The following LRRC37A3 variants were observed in gnomAD, a reference collection of about 807,000 sequenced individuals.
LRRC37A3 encodes the protein leucine rich repeat containing 37 member A3, also known as leucine-rich repeat-containing protein 37A3.
A neutral mutation model predicts 106.2 loss-of-function variants in LRRC37A3; 25 were observed. That is an observed-to-expected ratio of 0.24 (90% CI 0.17 to 0.33). LRRC37A3 has a LOEUF of 0.33. Ranked by LOEUF, LRRC37A3 falls within the 10% of genes least tolerant of loss-of-function variation. The pLI, the probability that LRRC37A3 is intolerant of heterozygous loss-of-function variation, is 1.00. For missense variants in LRRC37A3, 712 were observed against 1,644.9 expected (o/e 0.43, Z 9.81); for synonymous variants, 305 against 635.8 (o/e 0.48, Z 7.83).
At chr17:64,858,592 G>A (rs1158084663) in intron 13 of LRRC37A3, among the ~76,000 whole-genome samples, 187 bp downstream of exon 13, 1 of 152,164 alleles carries the variant, frequency 6.6e-6, no homozygotes, top group Admixed American at 6.5e-5. Context: ...CTGGAAGCGA[G>A]GATCCTTTAA....
At chr17:64,909,477 A>G (rs1325526760) in intron 2 of LRRC37A3, 2 of 152,248 alleles carry the variant, frequency 1.3e-5, no homozygotes, top group African/African-American at 4.8e-5. Flanking sequence ...AGGTGCCACA[A>G]AAATCATCTG....
chr17:64,856,655 A>G (rs1193959828), intron 13 of LRRC37A3, among the ~76,000 whole-genome samples: 8 of 148,920 alleles, frequency 5.4e-5, no homozygotes, highest in African/African-American at 2.0e-4. Context: ...GACTGTATCT[A>G]ACTTAGGGTC....
chr17:64,875,447 T>C (rs928629928), intron 8 of LRRC37A3, among the ~76,000 whole-genome samples: 4 of 152,238 alleles, frequency 2.6e-5, no homozygotes, highest in Admixed American at 6.5e-5. Context: ...ACTTTGTTGC[T>C]AGAAGACCTG....
At chr17:64,874,600 C>T (rs894913819) in intron 8 of LRRC37A3, among the ~76,000 whole-genome samples, 6 of 152,214 alleles carry the variant, frequency 3.9e-5, no homozygotes, top group Admixed American at 3.9e-4. Flanking sequence ...GGAGGTGTAC[C>T]CAACAGCTCA....
intron 11 of LRRC37A3, 84 bp from the exon 12 acceptor site, chr17:64,861,057 C>T: frequency 6.2e-7 from 1 of 1,604,134 alleles, no homozygotes; most frequent in Non-Finnish European, 8.5e-7. Context: ...TCCAGTCACA[C>T]AGAGTAGGAG....
chr17:64,916,415 T>TAAATA (rs1421593771), intron 2 of LRRC37A3, among the ~76,000 whole-genome samples: 2 of 151,530 alleles, frequency 1.3e-5, no homozygotes, highest in East Asian at 2.0e-4. Context: ...AATAAATAAA[T>TAAATA]AAATAAAATA....
chr17:64,919,177 G>T (rs1434905426), intron 1 of LRRC37A3, among the ~76,000 whole-genome samples: 5 of 151,722 alleles, frequency 3.3e-5, no homozygotes, highest in African/African-American at 1.2e-4. Flanking sequence ...GTGGGCGGCG[G>T]CGGCGGCGGC....
At chr17:64,884,369 T>A (rs925964966) in intron 8 of LRRC37A3, among the ~76,000 whole-genome samples, 2 of 151,172 alleles carry the variant, frequency 1.3e-5, no homozygotes, top group Non-Finnish European at 2.9e-5. Context: ...TATTATTATA[T>A]TATTATTATT....
At chr17:64,863,973 T>A (rs1288310124) in intron 10 of LRRC37A3, among the ~76,000 whole-genome samples, 5 of 142,230 alleles carry the variant, frequency 3.5e-5, no homozygotes, top group African/African-American at 1.3e-4. Flanking sequence ...CCCAGCTAAT[T>A]TTTTTTTTTT....
intron 2 of LRRC37A3, among the ~76,000 whole-genome samples, chr17:64,901,520 T>C (rs1222123145): frequency 6.9e-6 from 1 of 144,458 alleles, no homozygotes; most frequent in African/African-American, 2.8e-5. Context: ...TACAATTTCC[T>C]TCAAGGCAAA....
intron 10 of LRRC37A3, among the ~76,000 whole-genome samples, chr17:64,866,626 A>ATTT (rs1174212397): frequency 8.0e-4 from 18 of 22,516 alleles, no homozygotes; most frequent in African/African-American, 2.7e-3. Flanking sequence ...ATATATATAT[A>ATTT]TATTTTTTTT....
At chr17:64,856,077 G>A (rs1173218448) in intron 13 of LRRC37A3, among the ~76,000 whole-genome samples, 188 bp from the exon 14 acceptor site, 18 of 152,032 alleles carry the variant, frequency 1.2e-4, no homozygotes, top group Admixed American at 2.0e-4. Context: ...GCTATCTTGC[G>A]GGGGATTGGT....
intron 8 of LRRC37A3, among the ~76,000 whole-genome samples, chr17:64,875,502 A>G (rs1308288955): frequency 2.0e-5 from 3 of 152,208 alleles, no homozygotes; most frequent in Non-Finnish European, 4.4e-5. Context: ...GAAATAAAAA[A>G]CACTGGCTGG....
chr17:64,913,010 TATATTA>T (rs374434252), intron 2 of LRRC37A3, among the ~76,000 whole-genome samples: 11,790 of 138,754 alleles, frequency 0.085, 1 homozygote, highest in Non-Finnish European at 0.13. Flanking sequence ...ACACTAATTT[TATATTA>T]ATATTAAGTA....
At chr17:64,875,808 A>AT (rs1164088942) in intron 8 of LRRC37A3, among the ~76,000 whole-genome samples, 1 of 152,080 alleles carries the variant, frequency 6.6e-6, no homozygotes, top group African/African-American at 2.4e-5. Flanking sequence ...AAAAAAAAAA[A>AT]CAAAAAGATA....
At chr17:64,877,747 A>G (rs1286079861) in intron 8 of LRRC37A3, among the ~76,000 whole-genome samples, 1 of 152,236 alleles carries the variant, frequency 6.6e-6, no homozygotes, top group East Asian at 1.9e-4. Flanking sequence ...AAATGTCCCA[A>G]TTTCAAAACC....
intron 11 of LRRC37A3, among the ~76,000 whole-genome samples, 186 bp from the exon 12 acceptor site, chr17:64,861,159 T>C (rs1168904828): frequency 6.6e-6 from 1 of 152,160 alleles, no homozygotes; most frequent in Non-Finnish European, 1.5e-5. Context: ...AAAATACATC[T>C]TTTGAAAACA....
intron 1 of LRRC37A3, among the ~76,000 whole-genome samples, chr17:64,919,074 C>G (rs1567791285): frequency 1.3e-5 from 2 of 152,026 alleles, no homozygotes; most frequent in Non-Finnish European, 2.9e-5. Context: ...GCGAGCTCAG[C>G]CGCGTCTTGG....
At chr17:64,854,788 A>G in intron 14 of LRRC37A3, 144 bp from the exon 15 acceptor site, 1 of 1,611,614 alleles carries the variant, frequency 6.2e-7, no homozygotes, top group Non-Finnish European at 8.5e-7. Flanking sequence ...TCATTAGATG[A>G]CTTCTTGTGC....
Sources: gnomAD v4.1 joint callset for allele counts (sites outside exome capture counted in the v4.1 genomes callset) on GRCh38, gnomAD v4.1.1 for gene constraint, MANE v1.5 for transcripts, NCBI Gene and HGNC (gene_info 2026-07-23, HGNC 2026-07-21) for gene names.